The following GLS variants were observed in gnomAD, a reference collection of about 807,000 sequenced individuals.
GLS encodes glutaminase.
Under a neutral mutation model 86.7 loss-of-function variants are expected in GLS, and 36 were observed. The observed-to-expected ratio is 0.42, with a 90% CI of 0.32 to 0.55. The LOEUF (loss-of-function observed/expected upper bound fraction) is 0.55. Ranked by LOEUF, GLS falls within the 20% of genes least tolerant of loss-of-function variation. The pLI is 0.17. For synonymous variants in GLS, 317 were observed against 305.9 expected (o/e 1.04, Z -0.38); for missense variants, 528 against 833.4 (o/e 0.63, Z 4.51).
chr2:190,922,649 A>G (rs1689778334), intron 9 of GLS, among the ~76,000 whole-genome samples: 1 of 152,164 alleles, frequency 6.6e-6, no homozygotes, highest in South Asian at 2.1e-4. Flanking sequence ...ACTATGTGTC[A>G]GTCACTGTGA....
At chr2:190,901,752 C>G (rs1474783307) in intron 4 of GLS, among the ~76,000 whole-genome samples, 195 bp from the exon 5 acceptor site, 1 of 151,892 alleles carries the variant, frequency 6.6e-6, no homozygotes, top group African/African-American at 2.4e-5. Context: ...CACTTTAGAT[C>G]TCATAATTCT....
Position 190,949,919 on chromosome 2 carries a change from AT to A in GLS, c.1651-3645del, listed in dbSNP as rs1054795236. ...TTAATGAGAGAGACAAAAAACAAGT[AT>A]ATATAAAAATATATATACTTTATAT... On this transcript the variant is annotated intron_variant, in intron 14 of 17. Transcript: ENST00000320717. This position sits in a 1 kb window ranked among gnomAD's most constrained non-coding sequence, Gnocchi z 4.0. Among the ~76,000 whole-genome samples, 29 of 150,448 alleles carry A rather than the reference AT, an allele frequency of 1.9e-4. No homozygotes were observed. The highest frequency in any genetic ancestry group is 6.3e-4 in the African/African-American group (26 of 41,132).
rs748158484 is a variant in GLS, at chr2:190,905,512, A to C, written c.979+345A>C. Among the ~76,000 whole-genome samples the C allele has an allele frequency of 2.0e-5, 3 of 152,134 alleles. No homozygotes were observed. The highest frequency in any genetic ancestry group is 1.3e-4 in the Admixed American group (2 of 15,274). ...CTATATGTTGGTAATTATTGCAGCT[A>C]AATGATAGGTGCATGGGTGTTTGTA... On this transcript the variant is annotated intron_variant, in intron 6 of 17. Transcript: ENST00000320717. This position sits in a 1 kb window ranked among gnomAD's most constrained non-coding sequence, Gnocchi z 4.6.
At chr2:190,957,582 C>T (rs979084574) in intron 17 of GLS, among the ~76,000 whole-genome samples, 3 of 152,158 alleles carry the variant, frequency 2.0e-5, no homozygotes, top group African/African-American at 7.2e-5. Context: ...AGATACATTC[C>T]ATCAATACCT....
chr2:190,895,544 G>A lies in GLS; in HGVS notation c.484-60G>A. ...ATACAGGAATAAAATCTTATAGTTG[G>A]TATAAGCATATACATTATTTGCACT... On this transcript the variant is annotated intron_variant, in intron 2 of 17. Transcript: ENST00000320717. The surrounding 1 kb of genome is among the most constrained non-coding windows in gnomAD (Gnocchi z 4.2). 8.5e-7 allele frequency: 1 copy of A among 1,182,828 alleles called. No homozygotes were observed. The highest frequency in any genetic ancestry group is 2.0e-5 in the Admixed American group (1 of 50,914). 73.3% of individuals were successfully genotyped at this position (1,182,828 alleles called of 1,614,324 possible).
intron 5 of GLS, among the ~76,000 whole-genome samples, chr2:190,904,366 G>A (rs114094432): frequency 0.016 from 2,498 of 152,208 alleles, 36 homozygotes; most frequent in Non-Finnish European, 0.022. Context: ...GGAGTAAGGA[G>A]GAGCATGCTC....
intron 7 of GLS, chr2:190,919,646 A>G (rs896674853): frequency 3.4e-5 from 29 of 847,808 alleles, no homozygotes; most frequent in Non-Finnish European, 3.3e-5. Context: ...TCTATGGAAT[A>G]TTTTGACAAC....
intron 14 of GLS, chr2:190,933,706 CTA>C (rs1027637784): frequency 5.6e-6 from 5 of 899,434 alleles, no homozygotes; most frequent in African/African-American, 1.8e-5. Flanking sequence ...ATAACTTTTT[CTA>C]TGTTATATTT....
At chr2:190,886,521 A>G (rs1411613892) in intron 1 of GLS, among the ~76,000 whole-genome samples, 4 of 152,206 alleles carry the variant, frequency 2.6e-5, no homozygotes, top group Admixed American at 2.6e-4. Flanking sequence ...TAGGCCAGCT[A>G]AAAGGGAGGG....
intron 3 of GLS, among the ~76,000 whole-genome samples, chr2:190,898,193 A>G (rs1688812894): frequency 6.6e-6 from 1 of 152,188 alleles, no homozygotes; most frequent in Non-Finnish European, 1.5e-5. Context: ...ATTTTCTTAA[A>G]AATTTCATAT....
chr2:190,940,955 T>A (rs549496835), intron 14 of GLS, among the ~76,000 whole-genome samples: 12 of 152,294 alleles, frequency 7.9e-5, no homozygotes, highest in African/African-American at 2.9e-4. Flanking sequence ...CTAGTTTTTG[T>A]TCAAACAGCA....
Position 190,938,653 on chromosome 2 carries a change from T to C in GLS, c.1650+7016T>C, listed in dbSNP as rs1690343275. On this transcript the variant is annotated intron_variant, in intron 14 of 17. Transcript: ENST00000320717. This position sits in a 1 kb window ranked among gnomAD's most constrained non-coding sequence, Gnocchi z 4.1. ...TTTAGATTTTTTTCTCTTGAGGGGG[T>C]TGGTCTGTTTTGTGTTTTGTTAGGA... Among the ~76,000 whole-genome samples, 1 of 151,508 alleles carries C rather than the reference T, an allele frequency of 6.6e-6. No homozygotes were observed. The highest frequency in any genetic ancestry group is 2.4e-5 in the African/African-American group (1 of 41,358).
intron 1 of GLS, 159 bp downstream of exon 1, chr2:190,881,629 C>A: frequency 1.6e-6 from 1 of 630,984 alleles, no homozygotes; most frequent in Non-Finnish European, 2.5e-6. Flanking sequence ...TGTGATTAGG[C>A]CCGGCCCCGC....
chr2:190,919,775 C>A, intron 7 of GLS: 2 of 384,180 alleles, frequency 5.2e-6, no homozygotes, highest in Non-Finnish European at 7.1e-6. Context: ...AAAATTATGT[C>A]AAAGGATACT....
chr2:190,910,988 TA>T (rs1308138638), intron 7 of GLS, among the ~76,000 whole-genome samples: 1 of 151,054 alleles, frequency 6.6e-6, no homozygotes, highest in Admixed American at 6.6e-5. Context: ...TCTAGTATTT[TA>T]AAATAAGTAT....
rs1198622507 is a variant in GLS at position 190,914,618 on chromosome 2, AAG to A, written c.1038+4300_1038+4301del. Reference sequence around the variant, plus strand: ...CCATTTTCTATCATAAGACTAAATTAAGAGTATTTCACAAAATCGTTTTTAGT... The same window carrying A: ...CCATTTTCTATCATAAGACTAAATTAAGTATTTCACAAAATCGTTTTTAGT... On this transcript the variant is annotated intron_variant, in intron 7 of 17. Transcript: ENST00000320717. The surrounding 1 kb of genome is among the most constrained non-coding windows in gnomAD (Gnocchi z 4.4). Among the ~76,000 whole-genome samples the A allele has an allele frequency of 6.6e-6, 1 of 152,080 alleles. No individual in the cohort carries two copies.
chr2:190,891,314 G>T (rs1574562358), intron 1 of GLS, among the ~76,000 whole-genome samples: 1 of 152,064 alleles, frequency 6.6e-6, no homozygotes, highest in Non-Finnish European at 1.5e-5. Flanking sequence ...CATATAATAA[G>T]TGGTACAAGA....
At chr2:190,891,592 C>A (rs1011928163) in intron 1 of GLS, among the ~76,000 whole-genome samples, 4 of 151,988 alleles carry the variant, frequency 2.6e-5, no homozygotes, top group African/African-American at 9.7e-5. Context: ...GAACTGCATA[C>A]CAGACTGAGG....
At position 190,938,479 on chromosome 2, in the gene GLS, A is replaced by G. The variant is rs1215986164; in HGVS notation, c.1650+6842A>G. On this transcript the variant is annotated intron_variant, in intron 14 of 17. Coordinates refer to ENST00000320717, the MANE Select transcript of GLS (RefSeq NM_014905.5). This position sits in a 1 kb window ranked among gnomAD's most constrained non-coding sequence, Gnocchi z 4.1. ...ATAGTCCAACCTTTCTAGAATTTTG[A>G]TGTACTTTTATTTACCATAATCTTA... Among the ~76,000 whole-genome samples, 1 of 151,622 alleles carries G rather than the reference A, an allele frequency of 6.6e-6. No individual in the cohort carries two copies. The highest frequency in any genetic ancestry group is 1.5e-5 in the Non-Finnish European group (1 of 67,582).
Sources: allele counts gnomAD v4.1 joint callset (sites outside exome capture counted in the v4.1 genomes callset), GRCh38; gene constraint gnomAD v4.1.1; non-coding constraint Gnocchi (gnomAD v3.1); transcripts MANE v1.5; gene names NCBI Gene and HGNC (gene_info 2026-07-23, HGNC 2026-07-21).